The following CIB2 variants were observed in gnomAD, a reference collection of about 807,000 sequenced individuals.
CIB2 encodes the protein calcium and integrin binding family member 2.
CIB2 carries 19 observed loss-of-function variants against 23.1 expected under a neutral mutation model. The observed-to-expected ratio is 0.82, with a 90% confidence interval of 0.57 to 1.21. CIB2 has a LOEUF of 1.21. CIB2 is among the 50% of genes most tolerant of loss of function. CIB2 has a pLI of 0.00. For synonymous variants in CIB2, 94 were observed against 91.7 expected, an observed-to-expected ratio of 1.03 and a Z score of -0.14; for missense variants, 220 against 241.5, an observed-to-expected ratio of 0.91 and a Z score of 0.59.
At chr15:78,107,324 C>T (rs895507762) in intron 4 of CIB2, among the ~76,000 whole-genome samples, 3 of 152,196 alleles carry the variant, frequency 2.0e-5, no homozygotes, top group Non-Finnish European at 4.4e-5. Context: ...AGCCCAAGCT[C>T]TTGGGGTGAC....
chr15:78,119,353 G>T (rs1292875180), intron 2 of CIB2, among the ~76,000 whole-genome samples: 1 of 152,136 alleles, frequency 6.6e-6, no homozygotes, highest in Non-Finnish European at 1.5e-5. Context: ...CTGATGGATT[G>T]CTTCCACCTT....
chr15:78,131,148 G>C lies in CIB2; in HGVS notation c.51+17C>G. On this transcript the variant is annotated intron_variant, in intron 1 of 5. Coordinates refer to ENST00000258930, the MANE Select transcript of CIB2 (RefSeq NM_006383.4). The surrounding 1 kb of genome is among the most constrained non-coding windows in gnomAD (Gnocchi z 5.8). ...GGCGGCGGGGCCTGTGTTGGGGGCC[G>C]GGCGCGCCGAGCTCACCTGGTAGTT... The C allele has an allele frequency of 6.3e-7, 1 of 1,578,216 alleles. No homozygotes were observed. The highest frequency in any genetic ancestry group is 8.6e-7 in the Non-Finnish European group (1 of 1,163,716).
intron 2 of CIB2, among the ~76,000 whole-genome samples, chr15:78,112,338 G>A (rs1265976105): frequency 6.6e-6 from 1 of 152,108 alleles, no homozygotes; most frequent in African/African-American, 2.4e-5. Flanking sequence ...AGGCTGAGGT[G>A]GGAGGACCAC....
chr15:78,127,874 A>G (rs897123690), intron 1 of CIB2, among the ~76,000 whole-genome samples: 7 of 152,218 alleles, frequency 4.6e-5, no homozygotes, highest in Non-Finnish European at 1.0e-4. Context: ...TTCCCATTTT[A>G]GAGGTGGAGA....
chr15:78,109,200 C>CCGCGGG, intron 4 of CIB2, 35 bp downstream of exon 4: 1 of 1,159,170 alleles, frequency 8.6e-7, no homozygotes, highest in Non-Finnish European at 1.2e-6. Flanking sequence ...GTTCCCCCAC[C>CCGCGGG]GCATATTCAG....
At chr15:78,122,180 C>G (rs145475429) in intron 2 of CIB2, among the ~76,000 whole-genome samples, 194 of 152,306 alleles carry the variant, frequency 1.3e-3, no homozygotes, top group African/African-American at 4.6e-3. Flanking sequence ...TGGGATAGCA[C>G]TAGGGTGGCA....
chr15:78,126,480 C>A (rs1439808508), intron 1 of CIB2, among the ~76,000 whole-genome samples: 2 of 152,104 alleles, frequency 1.3e-5, no homozygotes. Flanking sequence ...GACCTTGGGG[C>A]CCTCACTGGC....
chr15:78,109,197 C>G, intron 4 of CIB2, 38 bp downstream of exon 4: 5 of 1,273,608 alleles, frequency 3.9e-6, no homozygotes, highest in Non-Finnish European at 4.4e-6. Flanking sequence ...CATGTTCCCC[C>G]ACCGCATATT....
At position 78,123,715 on chromosome 15, in the gene CIB2, CCTT is replaced by C. The variant is rs754638464; in HGVS notation, c.73_75del (p.Lys25del). On this transcript the variant is annotated inframe_deletion, in exon 2 of 6. Coordinates refer to ENST00000258930, the MANE Select transcript of CIB2 (RefSeq NM_006383.4). ...AGAAGCCACACTTACTTGAGGATGTCCTTCTTATTGAAGAAGGTGCAGTCCTGT... is the reference window on the plus strand; with the variant it reads ...AGAAGCCACACTTACTTGAGGATGTCCTTATTGAAGAAGGTGCAGTCCTGT... The C allele has an allele frequency of 6.2e-7, 1 of 1,614,118 alleles. No individual in the cohort carries two copies. Among genetic ancestry groups the C allele is most frequent in the Non-Finnish European group, 8.5e-7 (1 of 1,179,990 alleles).
intron 2 of CIB2, among the ~76,000 whole-genome samples, chr15:78,113,097 C>T (rs966778152): frequency 1.3e-5 from 2 of 152,308 alleles, no homozygotes; most frequent in African/African-American, 4.8e-5. Context: ...TCCTACACAG[C>T]CAATGAGCAG....
chr15:78,116,816 C>A (rs2074246309), intron 2 of CIB2, among the ~76,000 whole-genome samples: 1 of 151,962 alleles, frequency 6.6e-6, no homozygotes, highest in African/African-American at 2.4e-5. Context: ...TGCAGTGGCT[C>A]ATGCCTGTAA....
intron 2 of CIB2, among the ~76,000 whole-genome samples, chr15:78,120,916 C>G (rs1234294432): frequency 6.6e-6 from 1 of 152,186 alleles, no homozygotes; most frequent in African/African-American, 2.4e-5. Flanking sequence ...GCTGGATAGC[C>G]TGGCTCTGCA....
intron 2 of CIB2, among the ~76,000 whole-genome samples, chr15:78,121,289 G>A (rs897344893): frequency 2.0e-5 from 3 of 152,144 alleles, no homozygotes; most frequent in East Asian, 1.9e-4. Context: ...TGCTGCAGAC[G>A]GGGCCTCAGG....
chr15:78,122,786 ATG>A (rs2074336630), intron 2 of CIB2, among the ~76,000 whole-genome samples: 1 of 152,218 alleles, frequency 6.6e-6, no homozygotes, highest in South Asian at 2.1e-4. Context: ...TCCCCTGCCC[ATG>A]CAGGTGACAG....
intron 1 of CIB2, among the ~76,000 whole-genome samples, chr15:78,124,844 C>G (rs1397302307): frequency 6.6e-6 from 1 of 152,170 alleles, no homozygotes; most frequent in Non-Finnish European, 1.5e-5. Context: ...CCTGAAGCCG[C>G]TGGACATCAG....
intron 1 of CIB2, among the ~76,000 whole-genome samples, chr15:78,126,800 G>A (rs2074387155): frequency 6.6e-6 from 1 of 152,186 alleles, no homozygotes; most frequent in Admixed American, 6.5e-5. Context: ...AAACTGCCAT[G>A]AACCTGCTCA....
chr15:78,109,955 C>A (rs1296038288), intron 3 of CIB2, among the ~76,000 whole-genome samples: 1 of 151,944 alleles, frequency 6.6e-6, no homozygotes, highest in African/African-American at 2.4e-5. Flanking sequence ...AGGGCTCTGT[C>A]CCCAGCAGAA....
At position 78,105,111 on chromosome 15, in the gene CIB2, C is replaced by T. The variant is rs776563454; in HGVS notation, c.*200G>A. ...CATGGGTCCCGGGGCTGGACCACAG[C>T]GGGGCTGTGGGAAGGGTCCTAACCT... On this transcript the variant is annotated 3_prime_UTR_variant, in exon 6 of 6. Coordinates refer to ENST00000258930, the MANE Select transcript of CIB2 (RefSeq NM_006383.4). The T allele has an allele frequency of 1.8e-5, 12 of 680,468 alleles. No individual in the cohort carries two copies. The highest frequency in any genetic ancestry group is 2.9e-5 in the Admixed American group (1 of 34,416). 42.2% of individuals were successfully genotyped at this position (680,468 alleles called of 1,614,324 possible).
intron 2 of CIB2, among the ~76,000 whole-genome samples, chr15:78,123,149 A>G (rs2074341038): frequency 1.3e-5 from 2 of 152,216 alleles, no homozygotes; most frequent in Admixed American, 6.5e-5. Flanking sequence ...CCTGGGAAGA[A>G]GCAGAGCCCT....
Sources: gnomAD v4.1 joint callset for allele counts (sites outside exome capture counted in the v4.1 genomes callset) on GRCh38, gnomAD v4.1.1 for gene constraint, Gnocchi (gnomAD v3.1) non-coding constraint, MANE v1.5 for transcripts, NCBI Gene and HGNC (gene_info 2026-07-23, HGNC 2026-07-21) for gene names.